The following IDE variants were observed in gnomAD, a reference collection of about 807,000 sequenced individuals.
IDE encodes insulin-degrading enzyme.
In IDE, 58 loss-of-function variants were observed where a neutral mutation model predicts 133.2. The observed-to-expected ratio is 0.44, with a 90% CI of 0.35 to 0.54. The LOEUF (loss-of-function observed/expected upper bound fraction) is 0.54, where lower values mean the gene tolerates loss of function less well. Ranked by LOEUF, IDE falls within the 20% of genes least tolerant of loss-of-function variation. The pLI, the probability that IDE is intolerant of heterozygous loss-of-function variation, is 0.00. For missense variants in IDE, 981 were observed against 1,234.0 expected (o/e 0.79, Z 3.07); for synonymous variants, 396 against 421.3 (o/e 0.94, Z 0.73).
At chr10:92,460,944 G>C (rs1845348966) in intron 22 of IDE, among the ~76,000 whole-genome samples, 1 of 152,128 alleles carries the variant, frequency 6.6e-6, no homozygotes, top group Non-Finnish European at 1.5e-5. Context: ...AGGTTCAAGC[G>C]ATTCTCATGC....
intron 14 of IDE, among the ~76,000 whole-genome samples, chr10:92,480,056 T>C (rs1453391628): frequency 1.3e-5 from 2 of 152,174 alleles, no homozygotes; most frequent in East Asian, 3.8e-4. Flanking sequence ...AATATTTTAA[T>C]GAGAAAGAAC....
At chr10:92,537,244 T>TAA (rs771592336) in intron 2 of IDE, 122 bp downstream of exon 2, 10 of 660,966 alleles carry the variant, frequency 1.5e-5, no homozygotes, top group Non-Finnish European at 2.5e-5. Flanking sequence ...GGTTCTGGTA[T>TAA]AAAATAAGGT....
chr10:92,476,615 C>T (rs957414010), intron 15 of IDE, among the ~76,000 whole-genome samples: 3 of 152,154 alleles, frequency 2.0e-5, no homozygotes, highest in Non-Finnish European at 2.9e-5. Flanking sequence ...GTGTGAGCCA[C>T]AGTGCCTGGC....
intron 19 of IDE, 119 bp downstream of exon 19, chr10:92,468,760 T>A (rs1418293631): frequency 8.8e-6 from 5 of 568,464 alleles, no homozygotes; most frequent in African/African-American, 1.9e-5. Flanking sequence ...ATTCTGTAAA[T>A]AGGAGAGGTT....
At chr10:92,491,831 G>A (rs1847366141) in intron 11 of IDE, among the ~76,000 whole-genome samples, 1 of 151,332 alleles carries the variant, frequency 6.6e-6, no homozygotes, top group Non-Finnish European at 1.5e-5. Context: ...GGCTGGTCTT[G>A]AACTCCTGAC....
At chr10:92,523,801 G>T (rs1209888063) in intron 4 of IDE, among the ~76,000 whole-genome samples, 5 of 151,576 alleles carry the variant, frequency 3.3e-5, no homozygotes, top group African/African-American at 7.3e-5. Context: ...ATACATGAAG[G>T]AGTACCTGTT....
chr10:92,542,519 T>C (rs554964404), intron 1 of IDE, among the ~76,000 whole-genome samples: 164 of 152,040 alleles, frequency 1.1e-3, no homozygotes, highest in Non-Finnish European at 2.0e-3. Context: ...TTCAAACTCC[T>C]GGGCGCAAGA....
At chr10:92,497,683 C>A in intron 11 of IDE, 1 of 978,134 alleles carries the variant, frequency 1.0e-6, no homozygotes, top group Non-Finnish European at 1.2e-6. Flanking sequence ...CTTGAGCCAC[C>A]CTAGTCTGGT....
Position 92,499,402 on chromosome 10 carries a change from C to A in IDE, c.1430+5392G>T, listed in dbSNP as rs1045750258. 2.6e-5 allele frequency among the ~76,000 whole-genome samples: 4 copies of A among 151,844 alleles called. 1 individual carries two copies. On this transcript the variant is annotated intron_variant, in intron 11 of 24. Coordinates refer to ENST00000265986, the MANE Select transcript of IDE (RefSeq NM_004969.4). The stretch of plus-strand genomic sequence containing the variant: ...TCAGGTGATCCACCCACTTTGGTCT[C>A]CCAAAGTGCTAGGATTATAGGCATG...
At chr10:92,502,434 T>A (rs879661955) in intron 11 of IDE, among the ~76,000 whole-genome samples, 2 of 152,198 alleles carry the variant, frequency 1.3e-5, no homozygotes, top group Admixed American at 1.3e-4. Flanking sequence ...TTCTTTTAAT[T>A]TTCTATTTTT....
intron 1 of IDE, among the ~76,000 whole-genome samples, chr10:92,556,575 T>C (rs973134465): frequency 6.6e-6 from 1 of 151,996 alleles, no homozygotes; most frequent in Non-Finnish European, 1.5e-5. Flanking sequence ...CTGGCCAACA[T>C]GGTGAAACCC....
intron 1 of IDE, among the ~76,000 whole-genome samples, chr10:92,556,050 G>A (rs1265281101): frequency 6.6e-6 from 1 of 151,674 alleles, no homozygotes; most frequent in Non-Finnish European, 1.5e-5. Context: ...GCGGGCGCCT[G>A]TAGTCCCAGC....
Position 92,556,339 on chromosome 10 carries a change from C to T in IDE, c.98+17583G>A, listed in dbSNP as rs1010495177. ...AATAATAGCATCAAAAAATAAAATA[C>T]TGGGTGGGCACAGTGGCTCATGCCT... On this transcript the variant is annotated intron_variant, in intron 1 of 24. Transcript: ENST00000265986. Among the ~76,000 whole-genome samples, 7 of 151,960 alleles carry T rather than the reference C, an allele frequency of 4.6e-5. No homozygotes were observed. The South Asian group carries it at 1.5e-3, about 32-fold the overall frequency.
intron 1 of IDE, among the ~76,000 whole-genome samples, chr10:92,559,737 ATTTT>A (rs67531776): frequency 3.9e-4 from 52 of 134,080 alleles, no homozygotes; most frequent in South Asian, 3.5e-3. Context: ...TGAATGGTAT[ATTTT>A]TTTTTTTTTT....
At chr10:92,556,702 G>A (rs948534701) in intron 1 of IDE, among the ~76,000 whole-genome samples, 1 of 152,136 alleles carries the variant, frequency 6.6e-6, no homozygotes, top group African/African-American at 2.4e-5. Context: ...AGGTTGCAGT[G>A]AGCTGAGATC....
rs186063281 is a variant in IDE at position 92,544,254 on chromosome 10, G to A, written c.99-6704C>T. ...TCTCAAAAAAAAAAAAAAAAAGATAGAATACCATTGTACAAATCTAATCCT... is the reference window on the plus strand; with the variant it reads ...TCTCAAAAAAAAAAAAAAAAAGATAAAATACCATTGTACAAATCTAATCCT... On this transcript the variant is annotated intron_variant, in intron 1 of 24. Coordinates refer to ENST00000265986, the MANE Select transcript of IDE (RefSeq NM_004969.4). 1.3e-3 allele frequency among the ~76,000 whole-genome samples: 191 copies of A among 150,220 alleles called. 1 individual carries two copies. Among genetic ancestry groups the A allele is most frequent in the South Asian group, 3.6e-3 (17 of 4,766 alleles).
chr10:92,522,607 C>T (rs1849287997), intron 4 of IDE, among the ~76,000 whole-genome samples: 1 of 152,150 alleles, frequency 6.6e-6, no homozygotes, highest in Non-Finnish European at 1.5e-5. Flanking sequence ...GAAACTGCAT[C>T]TCCGCTAAGA....
At chr10:92,476,951 T>G (rs935761610) in intron 15 of IDE, among the ~76,000 whole-genome samples, 1 of 151,622 alleles carries the variant, frequency 6.6e-6, no homozygotes, top group African/African-American at 2.4e-5. Context: ...CTGGGCAACA[T>G]AGTTAGACTC....
intron 24 of IDE, among the ~76,000 whole-genome samples, chr10:92,454,838 C>T (rs995739351): frequency 2.6e-5 from 4 of 152,058 alleles, no homozygotes; most frequent in Non-Finnish European, 4.4e-5. Context: ...TTAGAGGCTT[C>T]GCATCAAGGC....
Sources: allele counts gnomAD v4.1 joint callset (sites outside exome capture counted in the v4.1 genomes callset), GRCh38; gene constraint gnomAD v4.1.1; transcripts MANE v1.5; gene names NCBI Gene and HGNC (gene_info 2026-07-23, HGNC 2026-07-21).